ZNF362: variants seen among roughly 807,000 people sequenced by gnomAD.
ZNF362 encodes zinc finger protein 362, also known as rotund homolog.
ZNF362 carries 11 observed loss-of-function variants against 42.9 expected under a neutral mutation model. The ratio of observed to expected loss-of-function variants is 0.26; its 90% CI spans 0.16 to 0.42. ZNF362 has a LOEUF of 0.42. Among genes scored for constraint, ZNF362 ranks in the 20% least tolerant of loss-of-function variants. The pLI is 1.00. For synonymous variants in ZNF362, 255 were observed against 257.3 expected (o/e 0.99, Z 0.09); for missense variants, 362 against 576.2 (o/e 0.63, Z 3.81).
At chr1:33,148,014 G>A in the ZNF362 span, among the ~76,000 whole-genome samples, 1 of 152,186 alleles carries the variant, frequency 6.6e-6, no homozygotes, top group Non-Finnish European at 1.5e-5. Context: ...ACTGGCAAAT[G>A]TTTGTTGAAT....
chr1:33,145,988 A>C, the ZNF362 span: 2 of 464,936 alleles, frequency 4.3e-6, no homozygotes, highest in Admixed American at 2.4e-5. Flanking sequence ...GGCAGGCCTC[A>C]GGACATCTAT....
chr1:33,155,103 G>T, the ZNF362 span, among the ~76,000 whole-genome samples: 1 of 142,104 alleles, frequency 7.0e-6, no homozygotes, highest in East Asian at 2.4e-4. Flanking sequence ...AAAAGGTCTC[G>T]CTCTGTCGCC....
At chr1:33,242,204 G>C in the ZNF362 span, among the ~76,000 whole-genome samples, 5 of 152,172 alleles carry the variant, frequency 3.3e-5, no homozygotes, top group African/African-American at 1.2e-4. Flanking sequence ...CCTTGTGTAA[G>C]TCATGGAGGG....
the ZNF362 span, among the ~76,000 whole-genome samples, chr1:33,128,025 G>A: frequency 6.6e-6 from 1 of 152,022 alleles, no homozygotes; most frequent in Non-Finnish European, 1.5e-5. Flanking sequence ...TGTAAAATAG[G>A]ATAATAGTAT....
At chr1:33,235,540 T>G in the ZNF362 span, among the ~76,000 whole-genome samples, 1 of 152,232 alleles carries the variant, frequency 6.6e-6, no homozygotes, top group African/African-American at 2.4e-5. Flanking sequence ...CAGGGATACT[T>G]GCTAAAGCAC....
At chr1:33,156,105 T>C in the ZNF362 span, among the ~76,000 whole-genome samples, 1 of 152,214 alleles carries the variant, frequency 6.6e-6, no homozygotes, top group Admixed American at 6.5e-5. Flanking sequence ...CTCTCAGCCA[T>C]GCAGCAGATC....
the ZNF362 span, among the ~76,000 whole-genome samples, chr1:33,160,723 A>G: frequency 6.6e-6 from 1 of 152,230 alleles, no homozygotes; most frequent in Admixed American, 6.5e-5. Context: ...TATTTTAAAA[A>G]AATCATTCAT....
the ZNF362 span, chr1:33,146,136 T>C: frequency 7.5e-6 from 2 of 265,102 alleles, no homozygotes; most frequent in Admixed American, 1.0e-4. Flanking sequence ...TCCTGGAAAT[T>C]CAGCAGAGTC....
chr1:33,228,021 C>T, the ZNF362 span, among the ~76,000 whole-genome samples: 1 of 152,140 alleles, frequency 6.6e-6, no homozygotes, highest in Non-Finnish European at 1.5e-5. Flanking sequence ...TGGAGATTTG[C>T]ATTTCTTTTA....
the ZNF362 span, among the ~76,000 whole-genome samples, chr1:33,128,203 C>CAAA: frequency 1.3e-4 from 11 of 83,684 alleles, no homozygotes; most frequent in African/African-American, 2.6e-4. Context: ...CCCACCTCTC[C>CAAA]AAAAAAAAAA....
chr1:33,227,268 G>A, the ZNF362 span, among the ~76,000 whole-genome samples: 1 of 152,122 alleles, frequency 6.6e-6, no homozygotes, highest in Non-Finnish European at 1.5e-5. Flanking sequence ...AAGTGGGGTC[G>A]ATGCCCCATC....
the ZNF362 span, among the ~76,000 whole-genome samples, chr1:33,212,890 TGTACAC>T: frequency 6.6e-6 from 1 of 152,220 alleles, no homozygotes; most frequent in East Asian, 1.9e-4. Context: ...TGCAAAGATT[TGTACAC>T]AAATGTTTAT....
the ZNF362 span, among the ~76,000 whole-genome samples, chr1:33,199,474 A>G: frequency 1.3e-5 from 2 of 152,202 alleles, no homozygotes; most frequent in Non-Finnish European, 2.9e-5. Context: ...TGGAAATACA[A>G]AAACTGAAAG....
the ZNF362 span, among the ~76,000 whole-genome samples, chr1:33,171,844 C>A: frequency 6.6e-6 from 1 of 152,048 alleles, no homozygotes; most frequent in Non-Finnish European, 1.5e-5. Context: ...TGTAGTGGTG[C>A]GATCTTGGCT....
chr1:33,176,332 A>C, the ZNF362 span: 1 of 632,152 alleles, frequency 1.6e-6, no homozygotes, highest in African/African-American at 1.8e-5. Flanking sequence ...CAGAGCCGAA[A>C]TTTGAACCTA....
intron 6 of ZNF362, among the ~76,000 whole-genome samples, chr1:33,289,213 G>A (rs561383980): frequency 6.6e-6 from 1 of 152,188 alleles, no homozygotes; most frequent in African/African-American, 2.4e-5. Flanking sequence ...GAGGCCCGCC[G>A]GGAGGCTGCA....
At chr1:33,190,777 G>C in the ZNF362 span, among the ~76,000 whole-genome samples, 6 of 152,280 alleles carry the variant, frequency 3.9e-5, no homozygotes, top group Admixed American at 3.9e-4. Flanking sequence ...ATTGCCAGTT[G>C]CTCCCTGTTA....
chr1:33,218,671 C>T, the ZNF362 span, among the ~76,000 whole-genome samples: 2 of 151,922 alleles, frequency 1.3e-5, no homozygotes, highest in Admixed American at 6.6e-5. Context: ...TGTGAAATGG[C>T]CTGTTTATGT....
At chr1:33,147,961 G>C in the ZNF362 span, among the ~76,000 whole-genome samples, 1 of 152,206 alleles carries the variant, frequency 6.6e-6, no homozygotes, top group Admixed American at 6.5e-5. This position sits in a 1 kb window ranked among gnomAD's most constrained non-coding sequence, Gnocchi z 8.1. Context: ...GGCTACAGCT[G>C]CTTGTTCACT....
Sources: gnomAD v4.1 joint callset for allele counts (sites outside exome capture counted in the v4.1 genomes callset) on GRCh38, gnomAD v4.1.1 for gene constraint, Gnocchi (gnomAD v3.1) non-coding constraint, MANE v1.5 for transcripts, NCBI Gene and HGNC (gene_info 2026-07-23, HGNC 2026-07-21) for gene names.